Variants in ECPAS observed in about 807,000 individuals in gnomAD.
ECPAS encodes the protein Ecm29 proteasome adaptor and scaffold.
Under a neutral mutation model 255.1 loss-of-function variants are expected in ECPAS, and 70 were observed. That is an observed-to-expected ratio of 0.27 (90% CI 0.23 to 0.33). ECPAS has a LOEUF of 0.33. ECPAS is among the 10% of genes least tolerant of loss of function. ECPAS has a pLI of 1.00. For missense variants in ECPAS, 1,817 were observed against 2,206.4 expected, an observed-to-expected ratio of 0.82 and a Z score of 3.54; for synonymous variants, 784 against 775.0, an observed-to-expected ratio of 1.01 and a Z score of -0.19.
chr9:111,480,298 T>C (rs2098302783), intron 1 of ECPAS, among the ~76,000 whole-genome samples: 2 of 141,434 alleles, frequency 1.4e-5, no homozygotes, highest in African/African-American at 2.7e-5. Flanking sequence ...TTTTCTTTTT[T>C]TTTTTTTTTT....
chr9:111,369,754 C>A (rs1041662317), intron 45 of ECPAS, among the ~76,000 whole-genome samples: 22 of 152,038 alleles, frequency 1.4e-4, no homozygotes, highest in African/African-American at 4.8e-4. Flanking sequence ...GGGGGGGGAC[C>A]AGTGCCCAAC....
At chr9:111,473,028 A>ATCTGTT in intron 1 of ECPAS, 28 bp from the exon 2 acceptor site, 1 of 745,950 alleles carries the variant, frequency 1.3e-6, no homozygotes, top group Non-Finnish European at 1.7e-6. Context: ...AAAAAAATAC[A>ATCTGTT]ATTAACAGAT....
Position 111,464,627 on chromosome 9 carries a change from C to T in ECPAS, c.22+8270G>A, listed in dbSNP as rs939035404. 2.0e-5 allele frequency among the ~76,000 whole-genome samples: 3 copies of T among 152,092 alleles called. No homozygotes were observed. In the South Asian group the frequency reaches 6.2e-4, roughly 32 times the overall value. On this transcript the variant is annotated intron_variant, in intron 2 of 49. Transcript: ENST00000684092. ...AAACAAGGATTACATGTTACATGAG[C>T]CAACAAGACCATATCTGAAAAATCT...
intron 2 of ECPAS, among the ~76,000 whole-genome samples, chr9:111,467,677 T>A (rs2098281241): frequency 6.6e-6 from 1 of 152,188 alleles, no homozygotes; most frequent in East Asian, 1.9e-4. Flanking sequence ...ATCTATCAAG[T>A]TACTACAGAA....
At chr9:111,440,245 C>A (rs1823278663) in intron 6 of ECPAS, 127 bp downstream of exon 6, 1 of 825,266 alleles carries the variant, frequency 1.2e-6, no homozygotes, top group Non-Finnish European at 1.8e-6. Context: ...AGAAAAAAAT[C>A]TTTGTAAACG....
chr9:111,454,501 AACC>A (rs1282546915), intron 2 of ECPAS, among the ~76,000 whole-genome samples: 1 of 152,164 alleles, frequency 6.6e-6, no homozygotes. Flanking sequence ...AAAGAGCACC[AACC>A]ACCATGTGAG....
intron 16 of ECPAS, among the ~76,000 whole-genome samples, 170 bp downstream of exon 16, chr9:111,419,847 T>C (rs1315599408): frequency 6.6e-6 from 1 of 150,434 alleles, no homozygotes; most frequent in Non-Finnish European, 1.5e-5. Flanking sequence ...TATTACTATA[T>C]AAATATATAG....
intron 48 of ECPAS, chr9:111,365,957 G>T: frequency 2.3e-6 from 1 of 426,872 alleles, no homozygotes; most frequent in South Asian, 2.9e-5. Flanking sequence ...AGTATTACAT[G>T]TACTGTCGTT....
rs766948528 is a variant in ECPAS, at chr9:111,417,979, T to C, written c.1587A>G (p.Gln529=). 36 of 1,606,328 alleles carry C rather than the reference T, an allele frequency of 2.2e-5. No individual in the cohort carries two copies. Among genetic ancestry groups the C allele is most frequent in the Non-Finnish European group, 2.7e-5 (32 of 1,176,860 alleles). The change falls in exon 17 of 50, where the codon CAA becomes CAG. Residue 529 remains glutamine (Q), a synonymous_variant. Coordinates refer to ENST00000684092, the MANE Select transcript of ECPAS (RefSeq NM_001364929.1). ...TACCTGGAAGACACCTTAATACGCG[T>C]TGTGCTTCTCCATGAACTTCTTCAC... ...DPREEVHGEA[Q]RVLRCLPGRN...
In ECPAS at chr9:111,361,937, T is replaced by A; in HGVS notation, c.*93A>T. The A allele has an allele frequency of 7.0e-7, 1 of 1,436,012 alleles. No individual in the cohort carries two copies. Among genetic ancestry groups the A allele is most frequent in the Non-Finnish European group, 9.4e-7 (1 of 1,058,334 alleles). 89.0% of individuals were successfully genotyped at this position (1,436,012 alleles called of 1,614,324 possible). A position where few individuals can be genotyped will look rare whatever the true frequency, so the allele number is the denominator to read the frequency against. Reference sequence around the variant, plus strand: ...CCAAGGAATGATGCATGCTACAGATTAATCTTTACTTTTTCCCACTTGGTT... The same window carrying A: ...CCAAGGAATGATGCATGCTACAGATAAATCTTTACTTTTTCCCACTTGGTT... On this transcript the variant is annotated 3_prime_UTR_variant, in exon 50 of 50. Transcript: ENST00000684092.
chr9:111,383,480 G>T, intron 34 of ECPAS, 148 bp from the exon 35 acceptor site: 1 of 1,157,336 alleles, frequency 8.6e-7, no homozygotes, highest in Non-Finnish European at 1.2e-6. Flanking sequence ...AGAGGAATGA[G>T]ATCGGAGATT....
chr9:111,436,566 T>C (rs924711510), intron 7 of ECPAS, among the ~76,000 whole-genome samples: 3 of 152,040 alleles, frequency 2.0e-5, no homozygotes, highest in African/African-American at 4.8e-5. Flanking sequence ...GTAAGAAAAA[T>C]TGTATTTTAA....
rs780340860 is a variant in ECPAS, at chr9:111,444,453, G to A, written c.195C>T (p.Ser65=). 2 of 1,613,824 alleles carry A rather than the reference G, an allele frequency of 1.2e-6. No homozygotes were observed. Among genetic ancestry groups the A allele is most frequent in the East Asian group, 4.5e-5 (2 of 44,858 alleles). Residue 65 remains serine, a synonymous_variant, in exon 4 of 50, where the codon AGC becomes AGT. Transcript: ENST00000684092. ...LLVHLNKRIK[S]RPKIQLPVET... ...CTACTGGAAGTTGTATTTTGGGGCG[G>A]CTTTTTATACGTTTATTCAGATGGA...
At position 111,484,249 on chromosome 9, in the gene ECPAS, G is replaced by A. The variant is rs773587918; in HGVS notation, c.-216C>T. 1.3e-5 allele frequency: 19 copies of A among 1,484,896 alleles called. No individual in the cohort carries two copies. In the African/African-American group the frequency reaches 2.7e-4, roughly 21 times the overall value. The allele number at this position is 1,484,896 out of a possible 1,614,324, so 92.0% of individuals were successfully genotyped here. On this transcript the variant is annotated 5_prime_UTR_variant, in exon 1 of 50. Transcript: ENST00000684092. ...AGTCCGTGAGGGGCTGGGCCGAGCG[G>A]GCCCGGGCTGCCCTAGCGGCCGGGG...
At chr9:111,418,189 T>C (rs1589168551) in intron 16 of ECPAS, among the ~76,000 whole-genome samples, 183 bp from the exon 17 acceptor site, 1 of 152,314 alleles carries the variant, frequency 6.6e-6, no homozygotes, top group East Asian at 1.9e-4. Context: ...TTTTCAGAAA[T>C]TGCATGAGGT....
intron 49 of ECPAS, 138 bp from the exon 50 acceptor site, chr9:111,362,307 T>C: frequency 3.1e-6 from 2 of 651,272 alleles, no homozygotes; most frequent in South Asian, 4.2e-5. Context: ...AAGCAACCTC[T>C]TGATAACAGA....
intron 2 of ECPAS, among the ~76,000 whole-genome samples, chr9:111,470,854 T>C (rs2098287017): frequency 6.6e-6 from 1 of 151,114 alleles, no homozygotes; most frequent in Admixed American, 6.6e-5. Context: ...ACAGAAGCCC[T>C]AGATTTAATG....
rs1480728917 is a variant in ECPAS at position 111,412,000 on chromosome 9, A to G, written c.2214+14T>C. Reference sequence around the variant, plus strand: ...CTATCTCCCACAAAAAAGAATGAAAACAAAATAACATACGTGATTGTCTTT... The same window carrying G: ...CTATCTCCCACAAAAAAGAATGAAAGCAAAATAACATACGTGATTGTCTTT... On this transcript the variant is annotated intron_variant, in intron 21 of 49. Transcript: ENST00000684092. 1 of 1,516,776 alleles carries G rather than the reference A, an allele frequency of 6.6e-7. No homozygotes were observed. Among genetic ancestry groups the G allele is most frequent in the Admixed American group, 2.6e-5 (1 of 38,378 alleles). 94.0% of individuals were successfully genotyped at this position (1,516,776 alleles called of 1,614,324 possible).
At chr9:111,397,484 T>A (rs1324400699) in intron 24 of ECPAS, among the ~76,000 whole-genome samples, 1 of 152,184 alleles carries the variant, frequency 6.6e-6, no homozygotes, top group Non-Finnish European at 1.5e-5. Context: ...GCCATGTAAG[T>A]CTCAATATAA....
Sources: allele counts gnomAD v4.1 joint callset (sites outside exome capture counted in the v4.1 genomes callset), GRCh38; gene constraint gnomAD v4.1.1; transcripts MANE v1.5; gene names NCBI Gene and HGNC (gene_info 2026-07-23, HGNC 2026-07-21).